CPEB3: variants seen among roughly 807,000 people sequenced by gnomAD.
CPEB3 encodes the protein cytoplasmic polyadenylation element-binding protein 3.
CPEB3 carries 20 observed loss-of-function variants against 67.2 expected under a neutral mutation model. That is an observed-to-expected ratio of 0.30 (90% CI 0.21 to 0.43). CPEB3 has a LOEUF of 0.43. Among genes scored for constraint, CPEB3 ranks in the 20% least tolerant of loss-of-function variants. The pLI, the probability that CPEB3 is intolerant of heterozygous loss-of-function variation, is 1.00. For missense variants in CPEB3, 746 were observed against 968.6 expected, an observed-to-expected ratio of 0.77 and a Z score of 3.05; for synonymous variants, 376 against 393.1, an observed-to-expected ratio of 0.96 and a Z score of 0.51.
chr10:92,161,331 A>T (rs1431791572), intron 4 of CPEB3, among the ~76,000 whole-genome samples: 1 of 147,774 alleles, frequency 6.8e-6, no homozygotes, highest in Non-Finnish European at 1.5e-5. Context: ...GAGTGCAATG[A>T]CATGATCTCG....
intron 9 of CPEB3, among the ~76,000 whole-genome samples, chr10:92,055,802 G>T (rs1055401596): frequency 1.3e-5 from 2 of 152,190 alleles, no homozygotes; most frequent in Non-Finnish European, 2.9e-5. Context: ...CACCTTGGAA[G>T]GGTGAGGCAG....
intron 9 of CPEB3, among the ~76,000 whole-genome samples, chr10:92,077,215 C>A (rs1292605644): frequency 6.6e-6 from 1 of 152,042 alleles, no homozygotes; most frequent in African/African-American, 2.4e-5. Flanking sequence ...TAAATGTAAG[C>A]TTTAGGAGAA....
chr10:92,104,818 G>A (rs1844363726), intron 7 of CPEB3, among the ~76,000 whole-genome samples: 1 of 152,120 alleles, frequency 6.6e-6, no homozygotes, highest in South Asian at 2.1e-4. Flanking sequence ...ATAATGAATA[G>A]GAGATATGTC....
At chr10:92,115,355 C>T (rs1472790276) in intron 6 of CPEB3, among the ~76,000 whole-genome samples, 3 of 147,904 alleles carry the variant, frequency 2.0e-5, no homozygotes, top group South Asian at 4.4e-4. Context: ...GGTTTCACCA[C>T]GTTGGTCAGG....
chr10:92,192,304 T>C (rs778558706), intron 3 of CPEB3, among the ~76,000 whole-genome samples, 173 bp downstream of exon 3: 3 of 152,176 alleles, frequency 2.0e-5, no homozygotes, highest in African/African-American at 4.8e-5. Flanking sequence ...TTGATTATTA[T>C]AGGTAGCTGA....
intron 1 of CPEB3, among the ~76,000 whole-genome samples, chr10:92,258,625 A>AACTAATATATAT (rs1554936345): frequency 3.7e-4 from 12 of 32,870 alleles, no homozygotes; most frequent in African/African-American, 8.7e-4. Context: ...ATATTTTTTG[A>AACTAATATATAT]ATATATATAT....
intron 8 of CPEB3, among the ~76,000 whole-genome samples, chr10:92,083,489 T>C (rs1843239821): frequency 6.6e-6 from 1 of 152,120 alleles, no homozygotes; most frequent in Admixed American, 6.5e-5. Context: ...CCTCTGATGG[T>C]TTGAGAATCT....
chr10:92,223,567 C>CTTTTTTTTTTT (rs903904452), intron 2 of CPEB3, among the ~76,000 whole-genome samples: 1 of 84,146 alleles, frequency 1.2e-5, no homozygotes, highest in Non-Finnish European at 2.5e-5. Flanking sequence ...CTAATTATTT[C>CTTTTTTTTTTT]TTTTTTTTTT....
At chr10:92,195,795 T>G (rs947996280) in intron 2 of CPEB3, among the ~76,000 whole-genome samples, 5 of 152,182 alleles carry the variant, frequency 3.3e-5, no homozygotes, top group Non-Finnish European at 5.9e-5. Context: ...ATTTTACACA[T>G]GAAGAAGGCA....
intron 4 of CPEB3, among the ~76,000 whole-genome samples, chr10:92,149,098 G>A (rs1451242570): frequency 3.3e-5 from 5 of 151,974 alleles, no homozygotes; most frequent in South Asian, 4.1e-4. Context: ...ACAAGGTTTC[G>A]CCGTGTTGGC....
chr10:92,136,220 A>G (rs1846089488), intron 6 of CPEB3, among the ~76,000 whole-genome samples: 2 of 152,136 alleles, frequency 1.3e-5, no homozygotes. Flanking sequence ...AGAAATACTA[A>G]GACAAACAAA....
chr10:92,162,045 T>C (rs2133957152), intron 4 of CPEB3, among the ~76,000 whole-genome samples: 1 of 152,324 alleles, frequency 6.6e-6, no homozygotes, highest in South Asian at 2.1e-4. Context: ...TTATACCAGA[T>C]ATAACAAGAT....
In CPEB3 at chr10:92,217,067, G is replaced by C. The variant is rs147556980; in HGVS notation, c.1005+22279C>G. ...AAAAAAAAAAAAAAAAATTGGCTGGGCATAGTGGTATGCGCCTGTAGTCCG... is the reference window on the plus strand; with the variant it reads ...AAAAAAAAAAAAAAAAATTGGCTGGCCATAGTGGTATGCGCCTGTAGTCCG... On this transcript the variant is annotated intron_variant, in intron 2 of 9. Coordinates refer to ENST00000265997, the MANE Select transcript of CPEB3 (RefSeq NM_014912.5). Among the ~76,000 whole-genome samples the C allele has an allele frequency of 9.8e-3, 1,454 of 148,852 alleles. 25 individuals are homozygous for C. Among genetic ancestry groups the C allele is most frequent in the African/African-American group, 0.034 (1,360 of 40,566 alleles).
chr10:92,159,723 T>C (rs1289841505), intron 4 of CPEB3, among the ~76,000 whole-genome samples: 1 of 152,068 alleles, frequency 6.6e-6, no homozygotes, highest in African/African-American at 2.4e-5. Flanking sequence ...ATTTATTCCA[T>C]AGGAAAATAA....
At chr10:92,063,956 C>T (rs1435121836) in intron 9 of CPEB3, among the ~76,000 whole-genome samples, 1 of 151,656 alleles carries the variant, frequency 6.6e-6, no homozygotes, top group Non-Finnish European at 1.5e-5. Context: ...GAAAAATTGG[C>T]AGCACACAGC....
chr10:92,206,519 G>T (rs182361787), intron 2 of CPEB3, among the ~76,000 whole-genome samples: 1 of 152,018 alleles, frequency 6.6e-6, no homozygotes, highest in Non-Finnish European at 1.5e-5. Flanking sequence ...GGGTTCAAGC[G>T]ATCCTCCTAC....
intron 2 of CPEB3, chr10:92,216,933 C>A (rs1220385865): frequency 5.8e-6 from 4 of 689,008 alleles, no homozygotes; most frequent in Non-Finnish European, 1.0e-5. Context: ...GCAGCTCTAA[C>A]AGCCCTTTCA....
At chr10:92,271,143 A>G (rs1386742067) in intron 1 of CPEB3, among the ~76,000 whole-genome samples, 1 of 152,192 alleles carries the variant, frequency 6.6e-6, no homozygotes, top group African/African-American at 2.4e-5. Context: ...AGATCGCACC[A>G]CCGCATTCCA....
intron 2 of CPEB3, among the ~76,000 whole-genome samples, chr10:92,235,660 G>C (rs1851495772): frequency 6.6e-6 from 1 of 152,226 alleles, no homozygotes; most frequent in African/African-American, 2.4e-5. Flanking sequence ...TTGAGAACCA[G>C]CACGTTTATA....
Sources: allele counts gnomAD v4.1 joint callset (sites outside exome capture counted in the v4.1 genomes callset), GRCh38; gene constraint gnomAD v4.1.1; transcripts MANE v1.5; gene names NCBI Gene and HGNC (gene_info 2026-07-23, HGNC 2026-07-21).